VTI1B: variants seen among roughly 807,000 people sequenced by gnomAD.
VTI1B encodes the protein vesicle transport through interaction with t-SNAREs 1B.
VTI1B carries 18 observed loss-of-function variants against 28.6 expected under a neutral mutation model. The ratio of observed to expected loss-of-function variants is 0.63; its 90% CI spans 0.43 to 0.93. The LOEUF (loss-of-function observed/expected upper bound fraction) is 0.93. Among genes scored for constraint, VTI1B ranks in the 40% least tolerant of loss-of-function variants. The pLI, the probability that VTI1B is intolerant of heterozygous loss-of-function variation, is 0.00. For synonymous variants in VTI1B, 100 were observed against 107.9 expected (o/e 0.93, Z 0.46); for missense variants, 283 against 297.0 (o/e 0.95, Z 0.35).
In VTI1B at chr14:67,674,599, A is replaced by G. The variant is rs1594844267; in HGVS notation, c.-110T>C. 1.2e-5 allele frequency: 10 copies of G among 828,160 alleles called. No homozygotes were observed. The highest frequency in any genetic ancestry group is 1.7e-5 in the Non-Finnish European group (10 of 581,472). 51.3% of individuals were successfully genotyped at this position (828,160 alleles called of 1,614,324 possible). ...TGGCCATAACGGCGACCGCCGCACC[A>G]CCGCCGCCCAGGACGAGGCTCTTCC... On this transcript the variant is annotated 5_prime_UTR_variant, in exon 1 of 6. Transcript: ENST00000554659.
At chr14:67,662,580 A>G (rs1220467278) in intron 1 of VTI1B, 45 bp from the exon 2 acceptor site, 7 of 1,542,754 alleles carry the variant, frequency 4.5e-6, no homozygotes, top group Non-Finnish European at 6.2e-6. Context: ...CTGTTTCCAC[A>G]CATTTGTAAA....
At chr14:67,659,246 C>T (rs1027692840) in intron 3 of VTI1B, among the ~76,000 whole-genome samples, 1 of 152,144 alleles carries the variant, frequency 6.6e-6, no homozygotes, top group Non-Finnish European at 1.5e-5. Context: ...ATCTCAGTTG[C>T]TGGGCCATCT....
intron 1 of VTI1B, among the ~76,000 whole-genome samples, chr14:67,664,449 A>G (rs1030965840): frequency 1.3e-5 from 2 of 151,984 alleles, no homozygotes; most frequent in East Asian, 1.9e-4. Context: ...GTATTTTTCA[A>G]TGTGACTCCT....
chr14:67,653,766 A>T (rs1053164056), intron 4 of VTI1B, among the ~76,000 whole-genome samples: 5 of 152,186 alleles, frequency 3.3e-5, no homozygotes, highest in Non-Finnish European at 7.4e-5. Context: ...TACCGTGGCT[A>T]CTCCAAAAGG....
At chr14:67,674,347 C>T (rs1393285002) in intron 1 of VTI1B, 28 bp downstream of exon 1, 15 of 1,560,708 alleles carry the variant, frequency 9.6e-6, no homozygotes, top group African/African-American at 1.4e-5. Flanking sequence ...GGCTGCGCTC[C>T]CCACGGCGTG....
chr14:67,656,673 T>C, intron 3 of VTI1B, 84 bp from the exon 4 acceptor site: 1 of 1,426,850 alleles, frequency 7.0e-7, no homozygotes, highest in Non-Finnish European at 9.5e-7. Context: ...TTCCCCATGT[T>C]AGAAGGGATA....
chr14:67,669,240 A>G (rs564434197), intron 1 of VTI1B, among the ~76,000 whole-genome samples: 5 of 151,260 alleles, frequency 3.3e-5, no homozygotes, highest in Admixed American at 6.6e-5. Flanking sequence ...ATTATACTAT[A>G]TGGCCTCTCA....
rs545990029 is a variant in VTI1B, at chr14:67,655,082, G to A, written c.540+1334C>T. On this transcript the variant is annotated intron_variant, in intron 4 of 5. Transcript: ENST00000554659. ...CAGCTGGGCACAGTGGCTCATGCCT[G>A]TAATCCTAGCGCTTTGGGAGGCCAA... is the stretch of plus-strand genomic sequence containing the variant. Among the ~76,000 whole-genome samples, 7 of 145,316 alleles carry A rather than the reference G, an allele frequency of 4.8e-5. No homozygotes were observed. The South Asian group carries it at 1.3e-3, about 27-fold the overall frequency.
intron 3 of VTI1B, chr14:67,656,987 A>G (rs1008599509): frequency 1.9e-5 from 3 of 155,700 alleles, no homozygotes; most frequent in African/African-American, 7.2e-5. Context: ...CGATAGTGCT[A>G]TGGGCAAACC....
At chr14:67,674,304 A>C (rs866534784) in intron 1 of VTI1B, 71 bp downstream of exon 1, 3 of 1,376,278 alleles carry the variant, frequency 2.2e-6, no homozygotes, top group Middle Eastern at 5.3e-4. Flanking sequence ...GTCTGGGAGG[A>C]AGGTGGGAGA....
chr14:67,650,945 C>T lies in VTI1B; in HGVS notation c.*440G>A, dbSNP rs746326646. 6.2e-7 allele frequency: 1 copy of T among 1,603,894 alleles called. No homozygotes were observed. The highest frequency in any genetic ancestry group is 8.5e-7 in the Non-Finnish European group (1 of 1,172,158). On this transcript the variant is annotated 3_prime_UTR_variant, in exon 6 of 6. Transcript: ENST00000554659. ...GGAGACACTGTGCACTGACATGTTT[C>T]ACAACAGGCATTCCAGAATTATGAG...
chr14:67,662,682 G>C (rs2037352642), intron 1 of VTI1B, 147 bp from the exon 2 acceptor site: 2 of 742,086 alleles, frequency 2.7e-6, no homozygotes, highest in South Asian at 4.0e-5. Flanking sequence ...AAGGCAGGTG[G>C]ATCACAAGGT....
chr14:67,670,567 C>CT lies in VTI1B; in HGVS notation c.115+3807dup, dbSNP rs71129845. Among the ~76,000 whole-genome samples, 360 of 148,148 alleles carry CT rather than the reference C, an allele frequency of 2.4e-3. 2 individuals carry two copies. The highest frequency in any genetic ancestry group is 5.6e-3 in the Admixed American group (84 of 14,890). On this transcript the variant is annotated intron_variant, in intron 1 of 5. Coordinates refer to ENST00000554659, the MANE Select transcript of VTI1B (RefSeq NM_006370.3). Reference sequence around the variant, plus strand: ...CACACTTGGTTGTAAGGTTTGTTACCTTTTTTTTTTTCTGAGATAGAGTCT... The same window carrying CT: ...CACACTTGGTTGTAAGGTTTGTTACCTTTTTTTTTTTTCTGAGATAGAGTCT...
In VTI1B at chr14:67,648,299, A is replaced by G; in HGVS notation, c.*3086T>C. 8.3e-7 allele frequency: 1 copy of G among 1,207,382 alleles called. No homozygotes were observed. The allele number at this position is 1,207,382 out of a possible 1,614,324, so 74.8% of individuals were successfully genotyped here. A position where few individuals can be genotyped will look rare whatever the true frequency, so the allele number is the denominator to read the frequency against. ...ATCATTGCAGAGTTTGTTTTTGCTTAAACTTTTGTAGCTAAAAATTATATG... is the reference window on the plus strand; with the variant it reads ...ATCATTGCAGAGTTTGTTTTTGCTTGAACTTTTGTAGCTAAAAATTATATG... On this transcript the variant is annotated 3_prime_UTR_variant, in exon 6 of 6. Coordinates refer to ENST00000554659, the MANE Select transcript of VTI1B (RefSeq NM_006370.3).
chr14:67,661,388 GTACC>G (rs1254841254), intron 2 of VTI1B, among the ~76,000 whole-genome samples: 1 of 151,290 alleles, frequency 6.6e-6, no homozygotes, highest in Non-Finnish European at 1.5e-5. Context: ...CAAACTTTGG[GTACC>G]AACTGAGACT....
chr14:67,670,114 C>G lies in VTI1B; in HGVS notation c.115+4261G>C, dbSNP rs139334957. ...TGAGAACCTGTGTCAAACAAATTCC[C>G]GTTAGCAAGGTGACTGCCCAAAAGG... On this transcript the variant is annotated intron_variant, in intron 1 of 5. Transcript: ENST00000554659. Among the ~76,000 whole-genome samples the G allele has an allele frequency of 4.6e-5, 7 of 152,232 alleles. No individual in the cohort carries two copies. The East Asian group carries it at 1.4e-3, about 29-fold the overall frequency.
intron 5 of VTI1B, among the ~76,000 whole-genome samples, chr14:67,652,001 T>A (rs2037187284): frequency 6.6e-6 from 1 of 152,236 alleles, no homozygotes; most frequent in African/African-American, 2.4e-5. Context: ...AACCTCTGGT[T>A]CTCATGTTCA....
At position 67,648,528 on chromosome 14, in the gene VTI1B, T is replaced by C. The variant is rs2037130970; in HGVS notation, c.*2857A>G. On this transcript the variant is annotated 3_prime_UTR_variant, in exon 6 of 6. Transcript: ENST00000554659. Reference sequence around the variant, plus strand: ...AAGATAAGATAAGAGTGCAAGGCTGTAATTTGCACTCTAAGAGATTGGTTC... The same window carrying C: ...AAGATAAGATAAGAGTGCAAGGCTGCAATTTGCACTCTAAGAGATTGGTTC... 2 of 171,324 alleles carry C rather than the reference T, an allele frequency of 1.2e-5. No homozygotes were observed. 10.6% of individuals were successfully genotyped at this position (171,324 alleles called of 1,614,324 possible).
intron 4 of VTI1B, among the ~76,000 whole-genome samples, chr14:67,654,149 C>G (rs2037223914): frequency 6.6e-6 from 1 of 152,212 alleles, no homozygotes; most frequent in Admixed American, 6.5e-5. Flanking sequence ...CTCCGTCACT[C>G]AGGCTGGAGT....
Sources: allele counts gnomAD v4.1 joint callset (sites outside exome capture counted in the v4.1 genomes callset), GRCh38; gene constraint gnomAD v4.1.1; transcripts MANE v1.5; gene names NCBI Gene and HGNC (gene_info 2026-07-23, HGNC 2026-07-21).